Variants in NANS observed in about 807,000 individuals in gnomAD.
The protein encoded by NANS is N-acetylneuraminate synthase.
NANS carries 29 observed loss-of-function variants against 33.3 expected under a neutral mutation model. The ratio of observed to expected loss-of-function variants is 0.87; its 90% CI spans 0.65 to 1.19. The LOEUF is 1.19. Among genes scored for constraint, NANS ranks in the 50% most tolerant of loss-of-function variants. NANS has a pLI of 0.00. For missense variants in NANS, 394 were observed against 461.1 expected (o/e 0.85, Z 1.33); for synonymous variants, 163 against 177.2 (o/e 0.92, Z 0.64).
At chr9:98,073,233 C>G (rs553733386) in intron 2 of NANS, among the ~76,000 whole-genome samples, 25 of 150,666 alleles carry the variant, frequency 1.7e-4, no homozygotes, top group Non-Finnish European at 3.2e-4. Context: ...CTACACCCTT[C>G]CCCTGACTCC....
In NANS at chr9:98,080,776, G is replaced by A. The variant is rs748469401; in HGVS notation, c.604-40G>A. On this transcript the variant is annotated intron_variant, in intron 4 of 5. Coordinates refer to ENST00000210444, the MANE Select transcript of NANS (RefSeq NM_018946.4). ...TCACCTGGAGAATATGCATAAAGCA[G>A]CATGATATTTAATGTTATTTTTCTT... 17 of 1,539,446 alleles carry A rather than the reference G, an allele frequency of 1.1e-5. No individual in the cohort carries two copies. The South Asian group carries it at 2.1e-4, about 19-fold the overall frequency.
intron 1 of NANS, among the ~76,000 whole-genome samples, chr9:98,060,441 T>G (rs7865671): frequency 0.8 from 121,436 of 152,196 alleles, 49,546 homozygotes; most frequent in East Asian, 1. Flanking sequence ...GGCCAAGGCG[T>G]TTGGATCACC....
At chr9:98,071,074 A>C (rs1829320800) in intron 2 of NANS, among the ~76,000 whole-genome samples, 1 of 152,200 alleles carries the variant, frequency 6.6e-6, no homozygotes, top group African/African-American at 2.4e-5. Context: ...GGCCTCCCAA[A>C]GTGCTAGGAT....
intron 2 of NANS, chr9:98,075,468 G>GAGGA (rs1475349838): frequency 6.9e-6 from 1 of 144,452 alleles, no homozygotes; most frequent in Non-Finnish European, 1.5e-5. Flanking sequence ...GGGAGGGAGG[G>GAGGA]AGGAAGGAAG....
At chr9:98,067,958 G>T (rs1296159752) in intron 2 of NANS, among the ~76,000 whole-genome samples, 1 of 152,188 alleles carries the variant, frequency 6.6e-6, no homozygotes, top group Non-Finnish European at 1.5e-5. Flanking sequence ...CTGAGCTCAA[G>T]CGAACAGCCA....
At chr9:98,057,128 C>T (rs1381657701) in intron 1 of NANS, among the ~76,000 whole-genome samples, 188 bp downstream of exon 1, 1 of 152,264 alleles carries the variant, frequency 6.6e-6, no homozygotes, top group East Asian at 1.9e-4. Flanking sequence ...CGTGACCTTT[C>T]TGCATTACAG....
intron 2 of NANS, among the ~76,000 whole-genome samples, chr9:98,067,828 C>T (rs1332229020): frequency 7.5e-6 from 1 of 133,382 alleles, no homozygotes; most frequent in African/African-American, 3.4e-5. Flanking sequence ...CTCAAGCAAT[C>T]CTCCCACCTC....
chr9:98,076,687 A>G, intron 2 of NANS: 1 of 488,672 alleles, frequency 2.0e-6, no homozygotes. Context: ...TCCTGTAGCC[A>G]GCAAAGACCA....
chr9:98,079,887 C>G (rs1042743741), intron 4 of NANS, among the ~76,000 whole-genome samples: 6 of 152,192 alleles, frequency 3.9e-5, no homozygotes. Flanking sequence ...GTTTTCAAGG[C>G]CTTTGCCACC....
At position 98,060,858 on chromosome 9, in the gene NANS, C is replaced by A; in HGVS notation, c.209C>A (p.Pro70Gln). Reference protein sequence around the residue: ...FKFNRKALERPYTSKHSWGKT... With the variant: ...FKFNRKALERQYTSKHSWGKT... Reference sequence around the variant, plus strand: ...TTTAATCGGAAAGCCTTGGAGAGGCCATACACCTCGAAGCATTCCTGGGGG... The same window carrying A: ...TTTAATCGGAAAGCCTTGGAGAGGCAATACACCTCGAAGCATTCCTGGGGG... The change falls in exon 2 of 6, where the codon CCA (proline) becomes CAA (glutamine). Residue 70 changes from proline to glutamine, a missense_variant. Physicochemically the swap from Pro to Gln is moderately conservative, Grantham distance 76. Coordinates refer to ENST00000210444, the MANE Select transcript of NANS (RefSeq NM_018946.4). 1 of 1,614,176 alleles carries A rather than the reference C, an allele frequency of 6.2e-7. No homozygotes were observed. Among genetic ancestry groups the A allele is most frequent in the South Asian group, 1.1e-5 (1 of 91,082 alleles).
chr9:98,059,793 C>T (rs2131618585), intron 1 of NANS, among the ~76,000 whole-genome samples: 1 of 151,738 alleles, frequency 6.6e-6, no homozygotes, highest in South Asian at 2.1e-4. Context: ...CAGTAGAAGT[C>T]ATCTAGGGGC....
At chr9:98,057,850 T>C (rs1303560601) in intron 1 of NANS, among the ~76,000 whole-genome samples, 2 of 146,768 alleles carry the variant, frequency 1.4e-5, no homozygotes, top group African/African-American at 2.5e-5. Flanking sequence ...TATTTATCTA[T>C]GTTAGAGACA....
At chr9:98,062,090 C>T (rs1172936093) in intron 2 of NANS, among the ~76,000 whole-genome samples, 3 of 151,798 alleles carry the variant, frequency 2.0e-5, no homozygotes, top group East Asian at 1.9e-4. Flanking sequence ...GGCGTGGTGG[C>T]GTACTCCTGT....
chr9:98,068,795 T>G (rs1386013972), intron 2 of NANS, among the ~76,000 whole-genome samples: 1 of 148,892 alleles, frequency 6.7e-6, no homozygotes, highest in Non-Finnish European at 1.5e-5. Context: ...AACTCCAGAC[T>G]CCAGCCTTGG....
intron 4 of NANS, among the ~76,000 whole-genome samples, chr9:98,079,576 C>T (rs938451776): frequency 2.0e-5 from 3 of 152,132 alleles, no homozygotes; most frequent in African/African-American, 4.8e-5. Context: ...ATCTAAATCA[C>T]GTTATTTTTA....
rs114744251 is a variant in NANS at position 98,073,072 on chromosome 9, T to C, written c.349-3846T>C. On this transcript the variant is annotated intron_variant, in intron 2 of 5. Coordinates refer to ENST00000210444, the MANE Select transcript of NANS (RefSeq NM_018946.4). ...CTATTGAGAAGGCAAATGGAAGCCA[T>C]GACCAAAAAGGTGACTCCTGAGGGA... 4.4e-3 allele frequency among the ~76,000 whole-genome samples: 667 copies of C among 152,194 alleles called. 2 individuals carry two copies. Among genetic ancestry groups the C allele is most frequent in the African/African-American group, 0.015 (625 of 41,528 alleles).
At chr9:98,080,162 T>C (rs1829788543) in intron 4 of NANS, among the ~76,000 whole-genome samples, 2 of 152,168 alleles carry the variant, frequency 1.3e-5, no homozygotes, top group Non-Finnish European at 2.9e-5. Context: ...TGCAGTGAGC[T>C]GAGATCACGC....
chr9:98,068,456 T>C (rs979552144), intron 2 of NANS, among the ~76,000 whole-genome samples: 28 of 152,026 alleles, frequency 1.8e-4, no homozygotes, highest in East Asian at 5.8e-4. Context: ...CTTTTTTTTT[T>C]CCTTTATTTC....
chr9:98,068,019 G>A (rs373856460), intron 2 of NANS, among the ~76,000 whole-genome samples: 4 of 151,962 alleles, frequency 2.6e-5, no homozygotes, highest in African/African-American at 9.7e-5. Flanking sequence ...ACCATGCCTC[G>A]CCCTTTTTCA....
Sources: allele counts gnomAD v4.1 joint callset (sites outside exome capture counted in the v4.1 genomes callset), GRCh38; gene constraint gnomAD v4.1.1; transcripts MANE v1.5; gene names NCBI Gene and HGNC (gene_info 2026-07-23, HGNC 2026-07-21).